The following GPC6 variants were observed in gnomAD, a reference collection of about 807,000 sequenced individuals.
The protein encoded by GPC6 is glypican-6.
GPC6 carries 14 observed loss-of-function variants against 55.2 expected under a neutral mutation model. The ratio of observed to expected loss-of-function variants is 0.25; its 90% confidence interval spans 0.17 to 0.40. The LOEUF is 0.40. Ranked by LOEUF, GPC6 falls within the 10% of genes least tolerant of loss-of-function variation. The probability of loss-of-function intolerance (pLI) is 1.00; values close to 1 mark genes in which losing one functional copy is unlikely to be tolerated. For synonymous variants in GPC6, 278 were observed against 259.6 expected, an observed-to-expected ratio of 1.07 and a Z score of -0.68; for missense variants, 641 against 708.5, an observed-to-expected ratio of 0.90 and a Z score of 1.08.
At chr13:94,220,245 GC>G in intron 4 of GPC6, among the ~76,000 whole-genome samples, 1 of 152,202 alleles carries the variant, frequency 6.6e-6, no homozygotes, top group Admixed American at 6.5e-5. Flanking sequence ...GAAAACACTG[GC>G]TTGTTCTCAC....
chr13:93,417,094 T>C (rs1876727945), intron 1 of GPC6, among the ~76,000 whole-genome samples: 1 of 152,114 alleles, frequency 6.6e-6, no homozygotes, highest in Non-Finnish European at 1.5e-5. Context: ...TTTAGAAACA[T>C]ATGTTTTAGG....
intron 2 of GPC6, among the ~76,000 whole-genome samples, chr13:93,710,130 T>A (rs934791257): frequency 6.6e-6 from 1 of 151,768 alleles, no homozygotes; most frequent in Non-Finnish European, 1.5e-5. Flanking sequence ...ATCCTTTTGG[T>A]TGAAGGGCTT....
intron 3 of GPC6, among the ~76,000 whole-genome samples, chr13:93,968,766 G>A (rs376011165): frequency 6.6e-6 from 1 of 152,174 alleles, no homozygotes; most frequent in South Asian, 2.1e-4. Flanking sequence ...AATTTCCACA[G>A]ATCTCTTCTT....
intron 4 of GPC6, among the ~76,000 whole-genome samples, chr13:94,083,635 T>A (rs1421458981): frequency 6.6e-6 from 1 of 152,206 alleles, no homozygotes; most frequent in African/African-American, 2.4e-5. Flanking sequence ...AGATCCAGTT[T>A]TCTGATAGAC....
chr13:93,515,787 A>G (rs1034964294), intron 1 of GPC6, among the ~76,000 whole-genome samples: 5 of 152,292 alleles, frequency 3.3e-5, no homozygotes, highest in East Asian at 1.9e-4. Context: ...ACACACAATT[A>G]ACCATAAATA....
At chr13:93,496,702 A>T (rs941083257) in intron 1 of GPC6, among the ~76,000 whole-genome samples, 1 of 152,168 alleles carries the variant, frequency 6.6e-6, no homozygotes, top group African/African-American at 2.4e-5. Context: ...AAGCTCTGTG[A>T]CCTTGGGCAA....
At chr13:93,377,622 A>G (rs1310532781) in intron 1 of GPC6, among the ~76,000 whole-genome samples, 3 of 152,170 alleles carry the variant, frequency 2.0e-5, no homozygotes, top group African/African-American at 4.8e-5. Flanking sequence ...AGGAGGGGGA[A>G]AATTCTTTTG....
chr13:94,295,398 T>C (rs1031959013), intron 5 of GPC6, among the ~76,000 whole-genome samples: 2 of 152,198 alleles, frequency 1.3e-5, no homozygotes, highest in Non-Finnish European at 2.9e-5. Context: ...TCATTGGTCT[T>C]GTCTCACCTA....
chr13:93,831,813 G>C (rs1046873581), intron 3 of GPC6, among the ~76,000 whole-genome samples: 1 of 151,310 alleles, frequency 6.6e-6, no homozygotes, highest in Admixed American at 6.6e-5. Flanking sequence ...TATCTTTGCC[G>C]GGCGCGGTGG....
intron 1 of GPC6, among the ~76,000 whole-genome samples, chr13:93,423,778 C>A (rs1322993826): frequency 6.6e-6 from 1 of 152,056 alleles, no homozygotes; most frequent in African/African-American, 2.4e-5. Flanking sequence ...ATGAGAGCTG[C>A]TGGAGTGCCC....
chr13:94,401,577 T>C (rs144254596), intron 8 of GPC6, among the ~76,000 whole-genome samples: 1 of 152,246 alleles, frequency 6.6e-6, no homozygotes, highest in Non-Finnish European at 1.5e-5. Flanking sequence ...GGCCGTATAT[T>C]AAATATGTTA....
chr13:93,911,288 C>A (rs991095068), intron 3 of GPC6, among the ~76,000 whole-genome samples: 1 of 152,074 alleles, frequency 6.6e-6, no homozygotes, highest in African/African-American at 2.4e-5. Context: ...CAAGGACCGA[C>A]AAGAGATAGC....
intron 5 of GPC6, among the ~76,000 whole-genome samples, chr13:94,297,582 C>T (rs913490560): frequency 2.0e-5 from 3 of 152,122 alleles, no homozygotes; most frequent in African/African-American, 7.2e-5. Flanking sequence ...TCTTCTCATG[C>T]AATGCAAATG....
intron 2 of GPC6, among the ~76,000 whole-genome samples, chr13:93,595,995 AG>A (rs1274294005): frequency 1.3e-5 from 2 of 152,228 alleles, no homozygotes; most frequent in Non-Finnish European, 2.9e-5. Context: ...TTGGAAACAG[AG>A]GGTAGAAGAG....
At chr13:93,506,691 A>C (rs1276999401) in intron 1 of GPC6, among the ~76,000 whole-genome samples, 1 of 152,032 alleles carries the variant, frequency 6.6e-6, no homozygotes, top group African/African-American at 2.4e-5. Flanking sequence ...TTCTATTTGA[A>C]TATCCTGGCT....
At position 94,403,889 on chromosome 13, in the gene GPC6, A is replaced by G. The variant is rs116355843; in HGVS notation, c.*672A>G. ...GGAATCCCGTCTTTAATATGAGAAC[A>G]CAAATTACTACAACTCAGTACCTCT... On this transcript the variant is annotated 3_prime_UTR_variant, in exon 9 of 9. Transcript: ENST00000377047. The G allele has an allele frequency of 9.2e-3, 1,447 of 157,656 alleles. 23 individuals carry two copies. Among genetic ancestry groups the G allele is most frequent in the African/African-American group, 0.033 (1,359 of 41,420 alleles). 9.8% of individuals were successfully genotyped at this position (157,656 alleles called of 1,614,324 possible). A position where few individuals can be genotyped will look rare whatever the true frequency, so the allele number is the denominator to read the frequency against.
intron 2 of GPC6, among the ~76,000 whole-genome samples, chr13:93,819,696 G>A (rs1886978430): frequency 6.6e-6 from 1 of 152,102 alleles, no homozygotes; most frequent in Non-Finnish European, 1.5e-5. Context: ...CAGTCCATAG[G>A]CTCAAAGCAG....
At chr13:93,571,589 GA>G (rs1396992123) in intron 2 of GPC6, among the ~76,000 whole-genome samples, 1 of 152,106 alleles carries the variant, frequency 6.6e-6, no homozygotes, top group Non-Finnish European at 1.5e-5. Flanking sequence ...AGACCACAGG[GA>G]AGGATTTAAC....
chr13:94,116,180 A>G (rs1476396098), intron 4 of GPC6, among the ~76,000 whole-genome samples: 1 of 152,132 alleles, frequency 6.6e-6, no homozygotes, highest in Non-Finnish European at 1.5e-5. Context: ...AGTTAACTAA[A>G]TAGTTCCTGG....
Sources: gnomAD v4.1 joint callset for allele counts (sites outside exome capture counted in the v4.1 genomes callset) on GRCh38, gnomAD v4.1.1 for gene constraint, MANE v1.5 for transcripts, NCBI Gene and HGNC (gene_info 2026-07-23, HGNC 2026-07-21) for gene names.